The following SUPT16H variants were observed in gnomAD, a reference collection of about 807,000 sequenced individuals.
SUPT16H encodes the protein FACT complex subunit SPT16.
In SUPT16H, 24 loss-of-function variants were observed where a neutral mutation model predicts 136.2. The ratio of observed to expected loss-of-function variants is 0.18; its 90% CI spans 0.13 to 0.25. The LOEUF (loss-of-function observed/expected upper bound fraction) is 0.25, where lower values mean the gene tolerates loss of function less well. Among genes scored for constraint, SUPT16H ranks in the 10% least tolerant of loss-of-function variants. SUPT16H has a pLI of 1.00. For synonymous variants in SUPT16H, 415 were observed against 428.2 expected, an observed-to-expected ratio of 0.97 and a Z score of 0.38; for missense variants, 623 against 1,270.2, an observed-to-expected ratio of 0.49 and a Z score of 7.74.
At chr14:21,366,233 C>G (rs1886663237) in intron 8 of SUPT16H, among the ~76,000 whole-genome samples, 1 of 152,212 alleles carries the variant, frequency 6.6e-6, no homozygotes, top group Non-Finnish European at 1.5e-5. Context: ...GAACACCACA[C>G]TGGTCTAGAA....
chr14:21,375,024 T>C (rs1886871488), intron 1 of SUPT16H, among the ~76,000 whole-genome samples: 1 of 152,274 alleles, frequency 6.6e-6, no homozygotes, highest in Non-Finnish European at 1.5e-5. Context: ...TGCTTTTTTT[T>C]TTCTTTTGAG....
At chr14:21,361,311 C>CT (rs35486887) in intron 15 of SUPT16H, 98 bp from the exon 16 acceptor site, 63,750 of 445,468 alleles carry the variant, frequency 0.14, 2,786 homozygotes, top group African/African-American at 0.26. Context: ...CTCTACTTTG[C>CT]TTTTTTTTTT....
intron 17 of SUPT16H, 132 bp from the exon 18 acceptor site, chr14:21,360,665 G>A (rs1886532102): frequency 8.3e-7 from 1 of 1,197,764 alleles, no homozygotes; most frequent in Non-Finnish European, 1.2e-6. Context: ...TTTCCTTCTG[G>A]CCACACAGCA....
intron 1 of SUPT16H, among the ~76,000 whole-genome samples, chr14:21,380,789 C>G (rs1020543438): frequency 6.6e-6 from 1 of 152,076 alleles, no homozygotes; most frequent in African/African-American, 2.4e-5. Context: ...ACAGATATGC[C>G]TGGATATTGT....
At chr14:21,352,893 G>A in intron 25 of SUPT16H, 75 bp from the exon 26 acceptor site, 1 of 1,592,776 alleles carries the variant, frequency 6.3e-7, no homozygotes, top group South Asian at 1.1e-5. Flanking sequence ...GCATGAGATA[G>A]TACAGAGAAT....
chr14:21,353,715 C>T lies in SUPT16H; in HGVS notation c.2908G>A (p.Ala970Thr). Residue 970 changes from alanine (A) to threonine (T), a missense_variant, in exon 24 of 26, where the codon GCA (alanine) becomes ACA (threonine). This residue lies in a region of SUPT16H where 88 missense variants were observed against 135.5 expected (regional missense o/e 0.65). Coordinates refer to ENST00000216297, the MANE Select transcript of SUPT16H (RefSeq NM_007192.4). The stretch of plus-strand genomic sequence containing the variant: ...CTGTAAGACTAACCTGACTCTTCTG[C>T]TTCTGATGAATAATCTTCATCACTG... ...EDSDEDYSSE[A>T]EESDYSKESL... 6.2e-7 allele frequency: 1 copy of T among 1,613,452 alleles called. No individual in the cohort carries two copies. The highest frequency in any genetic ancestry group is 8.5e-7 in the Non-Finnish European group (1 of 1,179,716).
chr14:21,362,177 G>C lies in SUPT16H; in HGVS notation c.1793+20C>G, dbSNP rs1486327683. ...CTCCAGACAAGATGAATCTGGGTAT[G>C]ACTTTTCTTGGGGACTCACATTTCC... On this transcript the variant is annotated intron_variant, in intron 15 of 25. Transcript: ENST00000216297. 6.2e-7 allele frequency: 1 copy of C among 1,609,552 alleles called. No individual in the cohort carries two copies. The highest frequency in any genetic ancestry group is 1.7e-5 in the Admixed American group (1 of 59,344).
rs755852656 is a variant in SUPT16H, at chr14:21,353,692, G to C, written c.2920+11C>G. 27 of 1,611,810 alleles carry C rather than the reference G, an allele frequency of 1.7e-5. No individual in the cohort carries two copies. The highest frequency in any genetic ancestry group is 2.3e-5 in the Non-Finnish European group (27 of 1,179,034). The stretch of plus-strand genomic sequence containing the variant: ...AGGAAGCCAGGACGAACTTTGCTCT[G>C]TAAGACTAACCTGACTCTTCTGCTT... On this transcript the variant is annotated intron_variant, in intron 24 of 25. Coordinates refer to ENST00000216297, the MANE Select transcript of SUPT16H (RefSeq NM_007192.4).
chr14:21,372,517 G>T, intron 2 of SUPT16H: 1 of 320,306 alleles, frequency 3.1e-6, no homozygotes, highest in Non-Finnish European at 6.1e-6. Context: ...TGGCCAATAG[G>T]TAAAAAATGG....
At position 21,366,294 on chromosome 14, in the gene SUPT16H, A is replaced by G. The variant is rs1268922657; in HGVS notation, c.1046+145T>C. ...ACTTAAATCTGTCTCACCTTCTCTG[A>G]TAACATCATGTGCCTGGCACATAGT... On this transcript the variant is annotated intron_variant, in intron 8 of 25. Transcript: ENST00000216297. 7 of 749,156 alleles carry G rather than the reference A, an allele frequency of 9.3e-6. No individual in the cohort carries two copies. The African/African-American group carries it at 1.1e-4, about 11-fold the overall frequency. The allele number at this position is 749,156 out of a possible 1,614,324, so 46.4% of individuals were successfully genotyped here.
chr14:21,374,265 T>C lies in SUPT16H; in HGVS notation c.67-835A>G, dbSNP rs559957521. ...CATATCTGAGGTTTCATGAAAGCACTGGAAGCCATGGTAGTTTTTGTCCTT... is the reference window on the plus strand; with the variant it reads ...CATATCTGAGGTTTCATGAAAGCACCGGAAGCCATGGTAGTTTTTGTCCTT... On this transcript the variant is annotated intron_variant, in intron 1 of 25. Coordinates refer to ENST00000216297, the MANE Select transcript of SUPT16H (RefSeq NM_007192.4). Among the ~76,000 whole-genome samples, 4 of 152,376 alleles carry C rather than the reference T, an allele frequency of 2.6e-5. No individual in the cohort carries two copies. In the South Asian group the frequency reaches 6.2e-4, roughly 24 times the overall value.
intron 1 of SUPT16H, among the ~76,000 whole-genome samples, chr14:21,380,388 A>T (rs766822608): frequency 6.8e-6 from 1 of 146,752 alleles, no homozygotes; most frequent in Non-Finnish European, 1.5e-5. Context: ...CTTCCACCTC[A>T]GCCTCTGGAG....
intron 2 of SUPT16H, chr14:21,372,452 A>G (rs1886807424): frequency 3.2e-6 from 1 of 313,348 alleles, no homozygotes; most frequent in Non-Finnish European, 6.2e-6. Flanking sequence ...CTCCTTCTCA[A>G]AGAACTGATA....
intron 15 of SUPT16H, 46 bp from the exon 16 acceptor site, chr14:21,361,259 G>A (rs61971518): frequency 0.024 from 38,404 of 1,604,806 alleles, 487 homozygotes; most frequent in African/African-American, 0.034. Flanking sequence ...TTTCAGGCCA[G>A]GGAAATTGTA....
At chr14:21,366,675 G>C (rs1886675945) in intron 7 of SUPT16H, 146 bp from the exon 8 acceptor site, 5 of 598,934 alleles carry the variant, frequency 8.3e-6, no homozygotes, top group South Asian at 7.8e-5. Flanking sequence ...TTTGAGACAA[G>C]GTCTCACTCT....
intron 1 of SUPT16H, among the ~76,000 whole-genome samples, chr14:21,378,203 A>T (rs1420464854): frequency 6.6e-6 from 1 of 152,084 alleles, no homozygotes; most frequent in Non-Finnish European, 1.5e-5. Flanking sequence ...TGCTCTTAAG[A>T]AACAGAAGAA....
At position 21,368,171 on chromosome 14, in the gene SUPT16H, G is replaced by A. The variant is rs150864933; in HGVS notation, c.955+98C>T. 46 of 1,255,758 alleles carry A rather than the reference G, an allele frequency of 3.7e-5. No homozygotes were observed. The South Asian group carries it at 4.9e-4, about 13-fold the overall frequency. 77.8% of individuals were successfully genotyped at this position (1,255,758 alleles called of 1,614,324 possible). A position where few individuals can be genotyped will look rare whatever the true frequency, so the allele number is the denominator to read the frequency against. ...TGGATTCAAGTGATCCTCCTGCCTC[G>A]GCCTCCCAGTGTAGGGATTACAGGT... On this transcript the variant is annotated intron_variant, in intron 7 of 25. Coordinates refer to ENST00000216297, the MANE Select transcript of SUPT16H (RefSeq NM_007192.4).
intron 1 of SUPT16H, chr14:21,382,982 G>C (rs895776257): frequency 6.6e-6 from 1 of 152,014 alleles, no homozygotes; most frequent in Non-Finnish European, 1.5e-5. Flanking sequence ...ACGTTTTTCA[G>C]GTTAAAAAAA....
chr14:21,366,696 C>T (rs1251418832), intron 7 of SUPT16H, among the ~76,000 whole-genome samples, 167 bp from the exon 8 acceptor site: 2 of 151,328 alleles, frequency 1.3e-5, no homozygotes, highest in African/African-American at 4.9e-5. Flanking sequence ...GTCACTCAGG[C>T]TGGAGTGCAG....
Sources: allele counts gnomAD v4.1 joint callset (sites outside exome capture counted in the v4.1 genomes callset), GRCh38; gene constraint gnomAD v4.1.1; regional missense constraint gnomAD v4.1.1; transcripts MANE v1.5; gene names NCBI Gene and HGNC (gene_info 2026-07-23, HGNC 2026-07-21).